Variants in SCD5 observed in about 807,000 individuals in gnomAD.
SCD5 encodes stearoyl-CoA desaturase 5, also known as acyl-CoA-desaturase 4.
SCD5 carries 20 observed loss-of-function variants against 30.4 expected under a neutral mutation model. The observed-to-expected ratio is 0.66, with a 90% CI of 0.46 to 0.96. The LOEUF is 0.96. Among genes scored for constraint, SCD5 ranks in the 40% least tolerant of loss-of-function variants. SCD5 has a pLI of 0.00. For synonymous variants in SCD5, 173 were observed against 176.4 expected (o/e 0.98, Z 0.16); for missense variants, 381 against 443.3 (o/e 0.86, Z 1.26).
At chr4:82,764,779 T>G (rs1024975385) in intron 1 of SCD5, among the ~76,000 whole-genome samples, 4 of 151,276 alleles carry the variant, frequency 2.6e-5, no homozygotes, top group Non-Finnish European at 4.4e-5. Context: ...CATGCTACAG[T>G]GCAACGGTGC....
At chr4:82,770,332 T>C (rs1207904127) in intron 1 of SCD5, among the ~76,000 whole-genome samples, 1 of 152,166 alleles carries the variant, frequency 6.6e-6, no homozygotes, top group African/African-American at 2.4e-5. Context: ...CCCCCATGTA[T>C]TTTTCCCTTT....
At chr4:82,740,559 AT>A (rs1349870342) in intron 1 of SCD5, among the ~76,000 whole-genome samples, 2 of 152,168 alleles carry the variant, frequency 1.3e-5, no homozygotes, top group Non-Finnish European at 2.9e-5. Context: ...AGACAGACAT[AT>A]TGACTTACCG....
At chr4:82,645,359 G>T (rs568252131) in intron 3 of SCD5, among the ~76,000 whole-genome samples, 1 of 151,342 alleles carries the variant, frequency 6.6e-6, no homozygotes, top group East Asian at 1.9e-4. Context: ...AGAGGGAAGG[G>T]GTGGGATCAA....
intron 1 of SCD5, among the ~76,000 whole-genome samples, chr4:82,738,002 C>T (rs573154465): frequency 2.0e-3 from 304 of 148,810 alleles, no homozygotes; most frequent in African/African-American, 6.5e-3. Flanking sequence ...ACTTTTTGCA[C>T]GCATCACCCA....
chr4:82,631,243 C>A lies in SCD5; in HGVS notation c.*84G>T. 8.1e-7 allele frequency: 1 copy of A among 1,229,092 alleles called. No individual in the cohort carries two copies. The highest frequency in any genetic ancestry group is 1.1e-6 in the Non-Finnish European group (1 of 896,154). The allele number at this position is 1,229,092 out of a possible 1,614,324, so 76.1% of individuals were successfully genotyped here. A position where few individuals can be genotyped will look rare whatever the true frequency, so the allele number is the denominator to read the frequency against. On this transcript the variant is annotated 3_prime_UTR_variant, in exon 5 of 5. Transcript: ENST00000319540. ...CTTCCCCACCCTCTGCCCCCTCCCA[C>A]GATCCAATGTACAAGAGAGCTATTG...
chr4:82,779,014 C>T (rs530552727), intron 1 of SCD5, among the ~76,000 whole-genome samples: 17 of 152,040 alleles, frequency 1.1e-4, no homozygotes, highest in East Asian at 1.9e-4. Context: ...TACAGGCATG[C>T]GCCACCACGC....
intron 1 of SCD5, among the ~76,000 whole-genome samples, chr4:82,714,339 C>T (rs1720176552): frequency 6.6e-6 from 1 of 152,190 alleles, no homozygotes; most frequent in African/African-American, 2.4e-5. Context: ...TTTCTCCCCT[C>T]ATAGCTGCCC....
At chr4:82,776,527 T>C (rs1385088190) in intron 1 of SCD5, among the ~76,000 whole-genome samples, 8 of 152,170 alleles carry the variant, frequency 5.3e-5, no homozygotes, top group African/African-American at 1.7e-4. Flanking sequence ...GAGGCTTTCC[T>C]AGGAAAGGCA....
At chr4:82,693,046 C>G (rs957922347) in intron 2 of SCD5, among the ~76,000 whole-genome samples, 1 of 152,192 alleles carries the variant, frequency 6.6e-6, no homozygotes, top group Non-Finnish European at 1.5e-5. Flanking sequence ...CAGTGTGACC[C>G]TGATCAGACA....
intron 1 of SCD5, among the ~76,000 whole-genome samples, chr4:82,717,389 TC>T (rs546503288): frequency 1.3e-5 from 2 of 151,794 alleles, no homozygotes; most frequent in South Asian, 4.2e-4. Context: ...CCTCTCTCTC[TC>T]CATGTTATGC....
At chr4:82,780,995 A>G (rs748357872) in intron 1 of SCD5, among the ~76,000 whole-genome samples, 6 of 152,250 alleles carry the variant, frequency 3.9e-5, no homozygotes, top group Non-Finnish European at 5.9e-5. Context: ...GGCCCCCACC[A>G]GCCTCCTCAC....
At chr4:82,775,011 TA>T (rs1721716344) in intron 1 of SCD5, among the ~76,000 whole-genome samples, 1 of 152,174 alleles carries the variant, frequency 6.6e-6, no homozygotes, top group Admixed American at 6.5e-5. Flanking sequence ...CCAGATTCTC[TA>T]GGCCAGGGAG....
chr4:82,716,420 T>A (rs532483338), intron 1 of SCD5, among the ~76,000 whole-genome samples: 5 of 152,026 alleles, frequency 3.3e-5, no homozygotes, highest in Non-Finnish European at 7.3e-5. Context: ...TTGGGGGACT[T>A]AAGTGAAAAT....
chr4:82,761,232 A>C (rs1031464253), intron 1 of SCD5, among the ~76,000 whole-genome samples: 1 of 152,240 alleles, frequency 6.6e-6, no homozygotes. Flanking sequence ...CATACAAATC[A>C]TTAGAGCAGG....
chr4:82,689,619 T>C (rs890401267), intron 2 of SCD5, among the ~76,000 whole-genome samples: 3 of 152,210 alleles, frequency 2.0e-5, no homozygotes, highest in African/African-American at 7.2e-5. Flanking sequence ...GCAGCTGTCA[T>C]GGCAATAACT....
chr4:82,702,579 T>C (rs1010653405), intron 2 of SCD5, among the ~76,000 whole-genome samples: 10 of 152,242 alleles, frequency 6.6e-5, no homozygotes, highest in African/African-American at 2.4e-4. Context: ...AATACTGTTC[T>C]TAATGCTCAA....
intron 1 of SCD5, among the ~76,000 whole-genome samples, chr4:82,711,062 G>A (rs1244654252): frequency 6.6e-6 from 1 of 152,100 alleles, no homozygotes; most frequent in Non-Finnish European, 1.5e-5. Context: ...CTGCCTCCTG[G>A]GTTTGTTGTA....
At chr4:82,726,158 C>A (rs751142051) in intron 1 of SCD5, among the ~76,000 whole-genome samples, 1 of 152,186 alleles carries the variant, frequency 6.6e-6, no homozygotes, top group Non-Finnish European at 1.5e-5. Flanking sequence ...GTGGCTCACA[C>A]CTGTAATCCC....
intron 1 of SCD5, among the ~76,000 whole-genome samples, chr4:82,787,233 A>C (rs1420762176): frequency 2.0e-5 from 3 of 152,210 alleles, no homozygotes; most frequent in Non-Finnish European, 4.4e-5. Flanking sequence ...CCAACCAAGA[A>C]AACGATCAGT....
Sources: gnomAD v4.1 joint callset for allele counts (sites outside exome capture counted in the v4.1 genomes callset) on GRCh38, gnomAD v4.1.1 for gene constraint, MANE v1.5 for transcripts, NCBI Gene and HGNC (gene_info 2026-07-23, HGNC 2026-07-21) for gene names.